Variants in ANKS1B observed in about 807,000 individuals in gnomAD.
The protein encoded by ANKS1B is ankyrin repeat and sterile alpha motif domain-containing protein 1B.
In ANKS1B, 36 loss-of-function variants were observed where a neutral mutation model predicts 148.3. The observed-to-expected ratio is 0.24, with a 90% CI of 0.19 to 0.32. The LOEUF is 0.32. Among genes scored for constraint, ANKS1B ranks in the 10% least tolerant of loss-of-function variants. The pLI is 1.00. For missense variants in ANKS1B, 1,157 were observed against 1,542.6 expected, an observed-to-expected ratio of 0.75 and a Z score of 4.19; for synonymous variants, 542 against 560.8, an observed-to-expected ratio of 0.97 and a Z score of 0.47.
intron 12 of ANKS1B, among the ~76,000 whole-genome samples, chr12:99,358,966 G>C (rs1484155135): frequency 6.6e-6 from 1 of 152,108 alleles, no homozygotes; most frequent in Non-Finnish European, 1.5e-5. Flanking sequence ...AGAAAGAAAA[G>C]CTTGCCACAG....
intron 9 of ANKS1B, among the ~76,000 whole-genome samples, chr12:99,543,302 T>TA (rs1398348833): frequency 6.6e-6 from 1 of 151,924 alleles, no homozygotes; most frequent in Non-Finnish European, 1.5e-5. Flanking sequence ...GTGATTAAAA[T>TA]AAAAAAGACT....
At chr12:99,877,009 C>A (rs1042505299) in intron 1 of ANKS1B, among the ~76,000 whole-genome samples, 1 of 152,048 alleles carries the variant, frequency 6.6e-6, no homozygotes, top group Non-Finnish European at 1.5e-5. Flanking sequence ...TGGCATTTAG[C>A]GCCATGCTTC....
intron 9 of ANKS1B, chr12:99,649,520 C>CCGAGATCTA: frequency 4.2e-6 from 3 of 716,306 alleles, no homozygotes; most frequent in South Asian, 1.8e-5. Flanking sequence ...GTAAGCACCA[C>CCGAGATCTA]CACAGGTACC....
chr12:98,824,825 A>T (rs918164919), intron 19 of ANKS1B, among the ~76,000 whole-genome samples: 2 of 152,278 alleles, frequency 1.3e-5, no homozygotes, highest in East Asian at 3.9e-4. Context: ...CTGAAGGATC[A>T]ACAAATAACC....
intron 17 of ANKS1B, among the ~76,000 whole-genome samples, chr12:98,875,428 T>G (rs1485098420): frequency 6.6e-6 from 1 of 152,142 alleles, no homozygotes; most frequent in Non-Finnish European, 1.5e-5. Context: ...TCTCTTTAGC[T>G]CCTTCTCTTT....
chr12:98,855,981 G>C (rs2099569289), intron 17 of ANKS1B, among the ~76,000 whole-genome samples: 1 of 152,210 alleles, frequency 6.6e-6, no homozygotes, highest in Non-Finnish European at 1.5e-5. Flanking sequence ...GCCCAGGCTA[G>C]GGTCATGCTC....
chr12:99,445,987 T>C (rs956017972), intron 10 of ANKS1B, among the ~76,000 whole-genome samples: 10 of 151,866 alleles, frequency 6.6e-5, no homozygotes, highest in African/African-American at 2.4e-4. Flanking sequence ...CCTCCTAGAG[T>C]GCTAGGATTA....
chr12:99,349,746 C>T (rs1356126000), intron 12 of ANKS1B, among the ~76,000 whole-genome samples: 2 of 151,798 alleles, frequency 1.3e-5, no homozygotes, highest in African/African-American at 2.4e-5. Context: ...TTTCAATACC[C>T]TATTTTCAAT....
chr12:99,539,053 G>A (rs7304580), intron 9 of ANKS1B, among the ~76,000 whole-genome samples: 2,283 of 152,104 alleles, frequency 0.015, 67 homozygotes, highest in East Asian at 0.1. Context: ...ATTTGTGTAC[G>A]TTGAATCATC....
chr12:98,899,930 C>T (rs760531395), intron 17 of ANKS1B, among the ~76,000 whole-genome samples: 18 of 152,108 alleles, frequency 1.2e-4, no homozygotes, highest in Admixed American at 2.6e-4. Context: ...CTTATTGTCT[C>T]CAATGATAGT....
chr12:99,619,554 G>A (rs958811169), intron 9 of ANKS1B, among the ~76,000 whole-genome samples: 2 of 151,886 alleles, frequency 1.3e-5, no homozygotes, highest in African/African-American at 4.8e-5. Context: ...GTGCAGCACG[G>A]CTCTCTCTAC....
chr12:99,775,615 T>C lies in ANKS1B; in HGVS notation c.894A>G (p.Val298=), dbSNP rs768142443. The C allele has an allele frequency of 3.1e-6, 5 of 1,612,706 alleles. No homozygotes were observed. The highest frequency in any genetic ancestry group is 1.1e-5 in the South Asian group (1 of 90,878). ...GTGTTTCTTGTGTTGCATCTTCCTG[T>C]ACAGGCTCTTCGAGGACTGTAGATC... The part of the protein sequence containing the change: ...VGRSTVLEEP[V]QEDATQETHI... The change falls in exon 7 of 27, where the codon GTA becomes GTG. Residue 298 remains valine (V), a synonymous_variant. Transcript: ENST00000683438.
chr12:99,590,085 A>G (rs1011622570), intron 9 of ANKS1B, among the ~76,000 whole-genome samples: 6 of 152,198 alleles, frequency 3.9e-5, no homozygotes, highest in Admixed American at 3.9e-4. Context: ...ATATACTAAA[A>G]ATATAATGCT....
chr12:99,605,700 A>C (rs2173791), intron 9 of ANKS1B, among the ~76,000 whole-genome samples: 35,560 of 152,012 alleles, frequency 0.23, 4,531 homozygotes, highest in African/African-American at 0.29. Context: ...TTAATTGTGT[A>C]AATATGCCAA....
intron 12 of ANKS1B, among the ~76,000 whole-genome samples, chr12:99,305,567 G>A (rs1436336214): frequency 6.6e-6 from 1 of 151,888 alleles, no homozygotes; most frequent in Non-Finnish European, 1.5e-5. Context: ...TTTCTAGAAA[G>A]GAATATAAAG....
intron 9 of ANKS1B, among the ~76,000 whole-genome samples, chr12:99,583,143 G>C (rs2097586529): frequency 6.6e-6 from 1 of 152,046 alleles, no homozygotes; most frequent in Non-Finnish European, 1.5e-5. Flanking sequence ...TATGTCATTG[G>C]TTTTTTTGTT....
At chr12:98,873,942 C>T (rs997678040) in intron 17 of ANKS1B, among the ~76,000 whole-genome samples, 3 of 152,046 alleles carry the variant, frequency 2.0e-5, no homozygotes, top group African/African-American at 4.8e-5. Context: ...GTCACAAAAC[C>T]CTGGAATGGA....
intron 10 of ANKS1B, among the ~76,000 whole-genome samples, chr12:99,498,678 T>C (rs2096627263): frequency 6.6e-6 from 1 of 152,150 alleles, no homozygotes; most frequent in African/African-American, 2.4e-5. Context: ...GCACAATGCC[T>C]AGAACATCAG....
At chr12:99,748,290 T>C (rs1200945148) in intron 8 of ANKS1B, among the ~76,000 whole-genome samples, 1 of 152,116 alleles carries the variant, frequency 6.6e-6, no homozygotes, top group East Asian at 1.9e-4. Flanking sequence ...CCAACTGATT[T>C]TATTTCCTTA....
Sources: gnomAD v4.1 joint callset for allele counts (sites outside exome capture counted in the v4.1 genomes callset) on GRCh38, gnomAD v4.1.1 for gene constraint, MANE v1.5 for transcripts, NCBI Gene and HGNC (gene_info 2026-07-23, HGNC 2026-07-21) for gene names.